Variants in IQSEC1 observed in about 807,000 individuals in gnomAD.
IQSEC1 encodes IQ motif and SEC7 domain-containing protein 1.
A neutral mutation model predicts 91.0 loss-of-function variants in IQSEC1; 31 were observed. The ratio of observed to expected loss-of-function variants is 0.34; its 90% CI spans 0.26 to 0.46. IQSEC1 has a LOEUF of 0.46. Ranked by LOEUF, IQSEC1 falls within the 20% of genes least tolerant of loss-of-function variation. The pLI is 1.00. For missense variants in IQSEC1, 1,388 were observed against 1,575.6 expected (o/e 0.88, Z 2.02); for synonymous variants, 699 against 662.6 (o/e 1.05, Z -0.84).
At chr3:13,175,691 G>A (rs182934909) in intron 1 of IQSEC1, among the ~76,000 whole-genome samples, 9 of 152,342 alleles carry the variant, frequency 5.9e-5, no homozygotes, top group Non-Finnish European at 7.4e-5. Context: ...ATTCCTCGAC[G>A]TTTGAGAGGC....
At chr3:13,029,945 C>G (rs1283368338) in intron 1 of IQSEC1, among the ~76,000 whole-genome samples, 1 of 152,208 alleles carries the variant, frequency 6.6e-6, no homozygotes, top group African/African-American at 2.4e-5. Flanking sequence ...CCAGACCATT[C>G]CCAGCTCCAC....
intron 2 of IQSEC1, among the ~76,000 whole-genome samples, chr3:13,159,902 C>T (rs906571770): frequency 1.5e-4 from 23 of 152,166 alleles, no homozygotes; most frequent in Admixed American, 4.6e-4. Context: ...ACTCCAAACT[C>T]CACAAACCTC....
chr3:12,965,480 C>A (rs1048034420), intron 1 of IQSEC1, among the ~76,000 whole-genome samples: 7 of 152,236 alleles, frequency 4.6e-5, no homozygotes, highest in Non-Finnish European at 8.8e-5. Context: ...TCCCATGGAA[C>A]CACATACCAG....
chr3:13,154,982 G>A (rs183681322), intron 2 of IQSEC1, among the ~76,000 whole-genome samples: 4 of 152,236 alleles, frequency 2.6e-5, no homozygotes, highest in African/African-American at 2.4e-5. Flanking sequence ...GGAACACAGC[G>A]AAAGTAGTAC....
intron 1 of IQSEC1, among the ~76,000 whole-genome samples, chr3:13,178,910 C>T (rs1470275835): frequency 1.3e-5 from 2 of 152,174 alleles, no homozygotes; most frequent in Non-Finnish European, 2.9e-5. Flanking sequence ...GAATTCCTTC[C>T]TCAGGAAACA....
At chr3:13,247,833 C>T (rs903845053) in intron 1 of IQSEC1, among the ~76,000 whole-genome samples, 4 of 152,118 alleles carry the variant, frequency 2.6e-5, no homozygotes, top group East Asian at 1.9e-4. Context: ...CCCCACTGCA[C>T]GTTCCCCATC....
intron 1 of IQSEC1, among the ~76,000 whole-genome samples, chr3:13,260,859 G>T (rs1695373412): frequency 1.3e-5 from 2 of 152,182 alleles, no homozygotes; most frequent in African/African-American, 2.4e-5. Context: ...GAGTGGAGGG[G>T]GTCCTCTGTG....
chr3:13,193,556 A>G lies in IQSEC1; in HGVS notation c.273-29423T>C, dbSNP rs146444591. On this transcript the variant is annotated intron_variant, in intron 1 of 15. Coordinates refer to the IQSEC1 transcript ENST00000648114. This position sits in a 1 kb window ranked among gnomAD's most constrained non-coding sequence, Gnocchi z 4.2. ...TGCCAGCCCAGGCCGCCAGGGTGAC[A>G]GGAAGAAAGGGAGGGGAACAGAAGG... 1.7e-3 allele frequency among the ~76,000 whole-genome samples: 252 copies of G among 152,298 alleles called. 1 individual carries two copies. The highest frequency in any genetic ancestry group is 5.6e-3 in the African/African-American group (231 of 41,574).
At chr3:13,100,597 G>A (rs1227077229) in intron 2 of IQSEC1, among the ~76,000 whole-genome samples, 2 of 148,790 alleles carry the variant, frequency 1.3e-5, no homozygotes, top group African/African-American at 2.5e-5. Context: ...TCAGGTCAGC[G>A]GTTGGGAGTG....
intron 1 of IQSEC1, among the ~76,000 whole-genome samples, chr3:13,062,527 A>C (rs1705099563): frequency 6.6e-6 from 1 of 152,162 alleles, no homozygotes; most frequent in Non-Finnish European, 1.5e-5. Context: ...GGGGAGGCAC[A>C]GAGAAAGGTC....
intron 1 of IQSEC1, among the ~76,000 whole-genome samples, chr3:13,263,454 T>C (rs1695429211): frequency 7.1e-6 from 1 of 141,790 alleles, no homozygotes; most frequent in Admixed American, 7.1e-5. Flanking sequence ...TACCTGACAC[T>C]TTTTTTTTTT....
At position 13,259,381 on chromosome 3, in the gene IQSEC1, A is replaced by C. The variant is rs1695343704; in HGVS notation, c.272+23330T>G. On this transcript the variant is annotated intron_variant, in intron 1 of 15. Coordinates refer to the IQSEC1 transcript ENST00000648114. The surrounding 1 kb of genome is among the most constrained non-coding windows in gnomAD (Gnocchi z 4.6). Reference sequence around the variant, plus strand: ...GGTCACCAAGCCTGTGAGCAGCGTCAGGGGAACTGACTGCTGGCCTGCACT... The same window carrying C: ...GGTCACCAAGCCTGTGAGCAGCGTCCGGGGAACTGACTGCTGGCCTGCACT... 6.6e-6 allele frequency among the ~76,000 whole-genome samples: 1 copy of C among 152,236 alleles called. No individual in the cohort carries two copies. The highest frequency in any genetic ancestry group is 2.4e-5 in the African/African-American group (1 of 41,458).
chr3:12,955,583 C>T (rs775328197), intron 1 of IQSEC1, among the ~76,000 whole-genome samples: 4 of 152,354 alleles, frequency 2.6e-5, no homozygotes, highest in Middle Eastern at 3.4e-3. Flanking sequence ...GGATCTCACC[C>T]CACATGCTGG....
chr3:13,217,521 T>G (rs1213935018), intron 1 of IQSEC1, among the ~76,000 whole-genome samples: 1 of 152,174 alleles, frequency 6.6e-6, no homozygotes, highest in Non-Finnish European at 1.5e-5. Context: ...GCTTCTGCCT[T>G]AAACCACTGG....
intron 1 of IQSEC1, among the ~76,000 whole-genome samples, chr3:13,005,394 C>T (rs934132775): frequency 5.3e-5 from 8 of 152,182 alleles, no homozygotes; most frequent in Non-Finnish European, 1.2e-4. Flanking sequence ...GCCAGGCACC[C>T]CAGTGTTACT....
At chr3:13,261,808 C>T (rs957922558) in intron 1 of IQSEC1, among the ~76,000 whole-genome samples, 2 of 152,222 alleles carry the variant, frequency 1.3e-5, no homozygotes, top group African/African-American at 4.8e-5. Context: ...ATTTATGGCA[C>T]TCAATGCTAC....
intron 1 of IQSEC1, among the ~76,000 whole-genome samples, chr3:13,254,347 A>C (rs1040003688): frequency 1.3e-5 from 2 of 152,192 alleles, no homozygotes; most frequent in African/African-American, 2.4e-5. Flanking sequence ...GCCTGATGGC[A>C]GTGCCACAAG....
intron 1 of IQSEC1, among the ~76,000 whole-genome samples, chr3:13,268,015 G>C (rs1695527295): frequency 1.3e-5 from 2 of 152,314 alleles, no homozygotes; most frequent in South Asian, 4.1e-4. Flanking sequence ...TCACATTTGG[G>C]GGGATGGAAA....
chr3:13,269,522 C>T (rs1003975875), intron 1 of IQSEC1, among the ~76,000 whole-genome samples: 1 of 152,190 alleles, frequency 6.6e-6, no homozygotes, highest in African/African-American at 2.4e-5. Flanking sequence ...CAGGTCAGGT[C>T]CCTGCCCAAG....
Sources: allele counts gnomAD v4.1 joint callset (sites outside exome capture counted in the v4.1 genomes callset), GRCh38; gene constraint gnomAD v4.1.1; non-coding constraint Gnocchi (gnomAD v3.1); transcripts MANE v1.5; gene names NCBI Gene and HGNC (gene_info 2026-07-23, HGNC 2026-07-21).